CENPK: variants seen among roughly 807,000 people sequenced by gnomAD.
CENPK encodes centromere protein K, also known as SoxLZ/Sox6-binding protein Solt.
CENPK carries 46 observed loss-of-function variants against 40.9 expected under a neutral mutation model. That is an observed-to-expected ratio of 1.13 (90% CI 0.89 to 1.44). CENPK has a LOEUF of 1.44. CENPK is among the 40% of genes most tolerant of loss of function. The pLI is 0.00. For missense variants in CENPK, 288 were observed against 303.5 expected (o/e 0.95, Z 0.38); for synonymous variants, 107 against 104.4 (o/e 1.02, Z -0.15).
chr5:65,541,037 G>A (rs1306197342), intron 6 of CENPK, among the ~76,000 whole-genome samples: 2 of 151,988 alleles, frequency 1.3e-5, no homozygotes, highest in African/African-American at 4.8e-5. Context: ...TGCCCAGGCT[G>A]GTCTTGAACA....
At chr5:65,499,589 A>C in the CENPK span, among the ~76,000 whole-genome samples, 1 of 150,844 alleles carries the variant, frequency 6.6e-6, no homozygotes, top group Non-Finnish European at 1.5e-5. Context: ...ATATTCAGCC[A>C]CTATTTTAAA....
intron 9 of CENPK, among the ~76,000 whole-genome samples, chr5:65,522,928 G>A (rs1354708169): frequency 6.6e-6 from 1 of 152,106 alleles, no homozygotes; most frequent in African/African-American, 2.4e-5. Context: ...AATTTAAGAT[G>A]GTATTAGCTT....
intron 2 of CENPK, among the ~76,000 whole-genome samples, chr5:65,558,337 A>G (rs190396171): frequency 9.2e-5 from 14 of 152,254 alleles, no homozygotes; most frequent in Admixed American, 3.9e-4. Context: ...AGAAGAAAGA[A>G]TGGGATCTAG....
intron 2 of CENPK, 64 bp from the exon 3 acceptor site, chr5:65,555,010 T>G: frequency 1.3e-6 from 1 of 745,868 alleles, no homozygotes; most frequent in Non-Finnish European, 2.4e-6. Flanking sequence ...TGCCAGATAC[T>G]CATCTAGGGG....
intron 5 of CENPK, among the ~76,000 whole-genome samples, chr5:65,550,163 A>G (rs1749715340): frequency 7.8e-6 from 1 of 127,668 alleles, no homozygotes; most frequent in Admixed American, 8.6e-5. Flanking sequence ...CAACAGAGCA[A>G]GACTCCATCT....
intron 5 of CENPK, among the ~76,000 whole-genome samples, chr5:65,544,310 G>A (rs767031227): frequency 6.6e-6 from 1 of 152,074 alleles, no homozygotes; most frequent in Admixed American, 6.6e-5. Context: ...TCATAATGGT[G>A]ATTAAGTTTT....
At chr5:65,561,888 T>A (rs1752033179) in intron 1 of CENPK, among the ~76,000 whole-genome samples, 1 of 152,238 alleles carries the variant, frequency 6.6e-6, no homozygotes, top group Non-Finnish European at 1.5e-5. Context: ...TATGTTAATG[T>A]GTGCCATTGG....
At chr5:65,536,099 CCTT>C (rs1746846213) in intron 6 of CENPK, among the ~76,000 whole-genome samples, 2 of 152,116 alleles carry the variant, frequency 1.3e-5, no homozygotes, top group Admixed American at 6.5e-5. Context: ...TATACAATCC[CCTT>C]CTTATTTTTA....
At chr5:65,508,555 C>G in the CENPK span, among the ~76,000 whole-genome samples, 53 of 152,178 alleles carry the variant, frequency 3.5e-4, no homozygotes, top group African/African-American at 1.2e-3. Context: ...GAGGCTGAGG[C>G]GGGTGGATCA....
rs1743117164 is a variant in CENPK at position 65,518,537 on chromosome 5, C to T, written c.748G>A (p.Gly250Arg). The T allele has an allele frequency of 6.2e-7, 1 of 1,613,326 alleles. No homozygotes were observed. The highest frequency in any genetic ancestry group is 1.3e-5 in the African/African-American group (1 of 74,888). Residue 250 changes from glycine to arginine, a missense_variant, in exon 11 of 11, where the codon GGA (glycine) becomes AGA (arginine). By Grantham distance (125) the Gly-to-Arg change is moderately radical. Transcript: ENST00000396679. ...TCTTCTGGATGTCTCAAGGCAATTC[C>T]ATTACGCAGCAGCAGCTCAACATAA... is the stretch of plus-strand genomic sequence containing the variant. ...PPYVELLLRN[G>R]IALRHPEDPT...
intron 2 of CENPK, among the ~76,000 whole-genome samples, chr5:65,559,879 AT>A (rs2150563355): frequency 6.6e-6 from 1 of 152,132 alleles, no homozygotes; most frequent in South Asian, 2.1e-4. Context: ...AATAATCCAA[AT>A]AGATATATAT....
the CENPK span, among the ~76,000 whole-genome samples, chr5:65,508,643 G>A: frequency 1.9e-3 from 284 of 151,952 alleles, no homozygotes; most frequent in Non-Finnish European, 3.3e-3. Context: ...AAAATTAGCC[G>A]GGCATGGTGG....
the CENPK span, among the ~76,000 whole-genome samples, chr5:65,510,640 G>C: frequency 2.0e-5 from 3 of 152,072 alleles, no homozygotes; most frequent in East Asian, 5.8e-4. Flanking sequence ...GGCAGGCATG[G>C]TGGTGCACGC....
intron 6 of CENPK, among the ~76,000 whole-genome samples, chr5:65,534,042 C>T (rs1200513797): frequency 7.0e-5 from 7 of 100,546 alleles, no homozygotes; most frequent in Admixed American, 2.8e-4. Context: ...AGCGAGACAC[C>T]GTCTCAACAA....
intron 2 of CENPK, among the ~76,000 whole-genome samples, chr5:65,559,455 C>T (rs1386534505): frequency 1.3e-5 from 2 of 151,522 alleles, no homozygotes; most frequent in Non-Finnish European, 2.9e-5. Context: ...GGGTGAAACC[C>T]CGTCTCTACT....
chr5:65,522,224 T>C (rs1003694718), intron 9 of CENPK, among the ~76,000 whole-genome samples: 5 of 152,194 alleles, frequency 3.3e-5, no homozygotes, highest in Non-Finnish European at 7.3e-5. Flanking sequence ...AACTTGCTCT[T>C]ATGAGAGACT....
the CENPK span, among the ~76,000 whole-genome samples, chr5:65,499,707 G>A: frequency 1.1e-4 from 11 of 101,778 alleles, no homozygotes; most frequent in African/African-American, 4.3e-4. Flanking sequence ...TAGGGTACAT[G>A]TGCACATTGT....
the CENPK span, among the ~76,000 whole-genome samples, chr5:65,499,670 T>A: frequency 1.4e-4 from 20 of 139,912 alleles, no homozygotes; most frequent in Non-Finnish European, 2.7e-4. Context: ...TTTTTTAATT[T>A]TTTTTTTTTT....
intron 5 of CENPK, among the ~76,000 whole-genome samples, chr5:65,544,815 G>C (rs957189352): frequency 1.3e-5 from 2 of 152,150 alleles, no homozygotes; most frequent in African/African-American, 4.8e-5. Context: ...ATTATATGAG[G>C]TATCTAAACT....
Sources: gnomAD v4.1 joint callset for allele counts (sites outside exome capture counted in the v4.1 genomes callset) on GRCh38, gnomAD v4.1.1 for gene constraint, MANE v1.5 for transcripts, NCBI Gene and HGNC (gene_info 2026-07-23, HGNC 2026-07-21) for gene names.